The following GRM6 variants were observed in gnomAD, a reference collection of about 807,000 sequenced individuals.
GRM6 encodes metabotropic glutamate receptor 6.
In GRM6, 73 loss-of-function variants were observed where a neutral mutation model predicts 78.4. The observed-to-expected ratio is 0.93, with a 90% CI of 0.77 to 1.13. The LOEUF (loss-of-function observed/expected upper bound fraction) is 1.13. Ranked by LOEUF, GRM6 falls within the 50% of genes most tolerant of loss-of-function variation. The pLI, the probability that GRM6 is intolerant of heterozygous loss-of-function variation, is 0.00. For missense variants in GRM6, 1,251 were observed against 1,256.4 expected, an observed-to-expected ratio of 1.00 and a Z score of 0.07; for synonymous variants, 580 against 555.0, an observed-to-expected ratio of 1.05 and a Z score of -0.63.
rs183199638 is a variant in GRM6, at chr5:178,991,832, G to A, written c.721+35C>T. On this transcript the variant is annotated intron_variant, in intron 3 of 10. Transcript: ENST00000517717. The surrounding 1 kb of genome is among the most constrained non-coding windows in gnomAD (Gnocchi z 5.0). The stretch of plus-strand genomic sequence containing the variant: ...ACTGAGGGCCCCGGGCCCACACTAT[G>A]TAGACTCCTTGGTGCCTCGGAGCCC... 1.1e-5 allele frequency: 17 copies of A among 1,566,192 alleles called. No homozygotes were observed. Among genetic ancestry groups the A allele is most frequent in the African/African-American group, 1.4e-5 (1 of 74,024 alleles).
At position 178,986,578 on chromosome 5, in the gene GRM6, G is replaced by A; in HGVS notation, c.1676C>T (p.Pro559Leu). 1 of 1,607,268 alleles carries A rather than the reference G, an allele frequency of 6.2e-7. No individual in the cohort carries two copies. The highest frequency in any genetic ancestry group is 8.5e-7 in the Non-Finnish European group (1 of 1,179,858). The change falls in exon 9 of 11, where the codon CCT (proline) becomes CTT (leucine). Residue 559 changes from proline (P) to leucine (L), a missense_variant. Transcript: ENST00000517717. ...GTTGGGCGTGGGCCTCATGTCCCCA[G>A]GACAGGCCTCGCATGTGAACTCGTC... ...QVDEFTCEAC[P>L]GDMRPTPNHT...
At position 178,991,708 on chromosome 5, in the gene GRM6, A is replaced by C. The variant is rs776475258; in HGVS notation, c.722-149T>G. 3.7e-5 allele frequency: 44 copies of C among 1,177,524 alleles called. No homozygotes were observed. Among genetic ancestry groups the C allele is most frequent in the Non-Finnish European group, 4.8e-5 (38 of 795,806 alleles). 72.9% of individuals were successfully genotyped at this position (1,177,524 alleles called of 1,614,324 possible). ...CTCCGCCAAGCCTGAGGCAGGGCTG[A>C]GTCGTCCAAAACAAAGAGGTCCCGC... On this transcript the variant is annotated intron_variant, in intron 3 of 10. Transcript: ENST00000517717. The surrounding 1 kb of genome is among the most constrained non-coding windows in gnomAD (Gnocchi z 5.0).
chr5:178,989,211 A>ACCCCCCCC, intron 6 of GRM6, 54 bp downstream of exon 6: 2 of 121,720 alleles, frequency 1.6e-5, no homozygotes, highest in Non-Finnish European at 1.3e-5. Flanking sequence ...CCCCCTCCCC[A>ACCCCCCCC]CCCTCACCAC....
chr5:178,992,307 G>A lies in GRM6; in HGVS notation c.505-224C>T, dbSNP rs962287533. 4.8e-5 allele frequency: 32 copies of A among 662,304 alleles called. No homozygotes were observed. The highest frequency in any genetic ancestry group is 1.8e-4 in the East Asian group (6 of 34,168). 41.0% of individuals were successfully genotyped at this position (662,304 alleles called of 1,614,324 possible). A position where few individuals can be genotyped will look rare whatever the true frequency, so the allele number is the denominator to read the frequency against. ...TTTTGCGAGTGGGCCTGAGAATTCC[G>A]TGAATGCTGTGCAGGTGGGAGGTAT... On this transcript the variant is annotated intron_variant, in intron 2 of 10. Coordinates refer to ENST00000517717, the MANE Select transcript of GRM6 (RefSeq NM_000843.4). The surrounding 1 kb of genome is among the most constrained non-coding windows in gnomAD (Gnocchi z 4.9).
chr5:178,978,897 A>G lies in GRM6; in HGVS notation c.*2760T>C, dbSNP rs987001402. ...ATTGGACCTCAAAGAATTCAAACCC[A>G]TGCATGCAAAAAAACAGGAAAATCT... On this transcript the variant is annotated 3_prime_UTR_variant, in exon 11 of 11. Transcript: ENST00000517717. 1 of 152,138 alleles carries G rather than the reference A, an allele frequency of 6.6e-6. No homozygotes were observed. Among genetic ancestry groups the G allele is most frequent in the Non-Finnish European group, 1.5e-5 (1 of 68,016 alleles). 9.4% of individuals were successfully genotyped at this position (152,138 alleles called of 1,614,324 possible).
chr5:178,985,022 A>G (rs1760482515), intron 9 of GRM6, among the ~76,000 whole-genome samples: 1 of 152,168 alleles, frequency 6.6e-6, no homozygotes, highest in Admixed American at 6.5e-5. Flanking sequence ...TTACTGTCTT[A>G]GGAAAATCCC....
At chr5:178,984,888 C>A (rs1760479554) in intron 9 of GRM6, among the ~76,000 whole-genome samples, 1 of 152,106 alleles carries the variant, frequency 6.6e-6, no homozygotes, top group Admixed American at 6.5e-5. Flanking sequence ...CCCTGAGAAC[C>A]CAGCTGGCCC....
chr5:178,993,683 C>G (rs1420487474), intron 2 of GRM6, among the ~76,000 whole-genome samples: 1 of 152,178 alleles, frequency 6.6e-6, no homozygotes, highest in African/African-American at 2.4e-5. Context: ...CAGTGAATGA[C>G]CAAATCGAAA....
At chr5:178,995,205 C>G (rs1760753525) in intron 1 of GRM6, 71 bp downstream of exon 1, 1 of 174,672 alleles carries the variant, frequency 5.7e-6, no homozygotes, top group Non-Finnish European at 1.2e-5. Context: ...TGCCGCTTCC[C>G]GACAGCTTGG....
chr5:178,991,739 T>C lies in GRM6; in HGVS notation c.721+128A>G. On this transcript the variant is annotated intron_variant, in intron 3 of 10. Transcript: ENST00000517717. This position sits in a 1 kb window ranked among gnomAD's most constrained non-coding sequence, Gnocchi z 5.0. ...CCAAAACAAAGAGGTCCCGCCCACATGGAGCACCAGCCAGGCAACCTCGGC... is the reference window on the plus strand; with the variant it reads ...CCAAAACAAAGAGGTCCCGCCCACACGGAGCACCAGCCAGGCAACCTCGGC... 3 of 1,116,718 alleles carry C rather than the reference T, an allele frequency of 2.7e-6. 1 individual carries two copies. Among genetic ancestry groups the C allele is most frequent in the Middle Eastern group, 3.9e-4 (2 of 5,138 alleles). The allele number at this position is 1,116,718 out of a possible 1,614,324, so 69.2% of individuals were successfully genotyped here. A position where few individuals can be genotyped will look rare whatever the true frequency, so the allele number is the denominator to read the frequency against.
At chr5:178,990,103 C>T (rs1760644759) in intron 5 of GRM6, 1 of 213,418 alleles carries the variant, frequency 4.7e-6, no homozygotes. Flanking sequence ...ATAAAATAGC[C>T]CTGAAGGATG....
chr5:178,982,102 C>T (rs576201208), intron 10 of GRM6, among the ~76,000 whole-genome samples: 4 of 152,208 alleles, frequency 2.6e-5, no homozygotes, highest in South Asian at 4.2e-4. Flanking sequence ...CCTGGGGAAG[C>T]GGGAGCCGGG....
Position 178,981,592 on chromosome 5 carries a change from G to A in GRM6, c.*65C>T. ...TCACCGTGGACCCGGGCTCTATACAGCTTCCACCTCGAGGCAAGAGGAAGA... is the reference window on the plus strand; with the variant it reads ...TCACCGTGGACCCGGGCTCTATACAACTTCCACCTCGAGGCAAGAGGAAGA... On this transcript the variant is annotated 3_prime_UTR_variant, in exon 11 of 11. Coordinates refer to ENST00000517717, the MANE Select transcript of GRM6 (RefSeq NM_000843.4). This position sits in a 1 kb window ranked among gnomAD's most constrained non-coding sequence, Gnocchi z 5.1. 1 of 1,292,992 alleles carries A rather than the reference G, an allele frequency of 7.7e-7. No individual in the cohort carries two copies. 80.1% of individuals were successfully genotyped at this position (1,292,992 alleles called of 1,614,324 possible).
intron 9 of GRM6, chr5:178,985,228 A>G: frequency 4.4e-6 from 2 of 455,200 alleles, no homozygotes; most frequent in Non-Finnish European, 8.8e-6. Flanking sequence ...ATGTGAGCCA[A>G]ATTGTAGAAG....
chr5:178,986,540 G>T lies in GRM6; in HGVS notation c.1714C>A (p.Arg572Ser). 6.2e-7 allele frequency: 1 copy of T among 1,607,752 alleles called. No homozygotes were observed. The highest frequency in any genetic ancestry group is 8.5e-7 in the Non-Finnish European group (1 of 1,178,494). ...CTCAGGCGCACCACAGGTGTGGGGC[G>T]GCAGCCCGTGTGGTTGGGCGTGGGC... ...MRPTPNHTGC[R>S]PTPVVRLSWS... The change falls in exon 9 of 11, where the codon CGC (arginine) becomes AGC (serine). Residue 572 changes from arginine to serine, a missense_variant. Physicochemically the swap from Arg to Ser is moderately radical, Grantham distance 110. Coordinates refer to ENST00000517717, the MANE Select transcript of GRM6 (RefSeq NM_000843.4).
At chr5:178,982,520 T>C (rs1760414274) in intron 10 of GRM6, among the ~76,000 whole-genome samples, 1 of 125,864 alleles carries the variant, frequency 7.9e-6, no homozygotes, top group East Asian at 2.4e-4. Flanking sequence ...GAGCTTGCAG[T>C]GAGCCAAGAT....
At chr5:178,983,507 G>T (rs1468824031) in intron 9 of GRM6, 2 of 626,998 alleles carry the variant, frequency 3.2e-6, no homozygotes, top group African/African-American at 3.6e-5. Context: ...TGTGCATAAG[G>T]GGCAGCTTGG....
In GRM6 at chr5:178,991,594, C is replaced by A; in HGVS notation, c.722-35G>T. 1 of 1,608,102 alleles carries A rather than the reference C, an allele frequency of 6.2e-7. No individual in the cohort carries two copies. Among genetic ancestry groups the A allele is most frequent in the Non-Finnish European group, 8.5e-7 (1 of 1,175,434 alleles). ...GGGGGTGCCAGAGTCAGCTTCCGTC[C>A]CACCCACCCACACACCCACCTGGCC... On this transcript the variant is annotated intron_variant, in intron 3 of 10. Coordinates refer to ENST00000517717, the MANE Select transcript of GRM6 (RefSeq NM_000843.4). This position sits in a 1 kb window ranked among gnomAD's most constrained non-coding sequence, Gnocchi z 5.0.
At position 178,989,378 on chromosome 5, in the gene GRM6, G is replaced by A. The variant is rs747581082; in HGVS notation, c.1040C>T (p.Ser347Phe). The change falls in exon 6 of 11, where the codon TCC (serine) becomes TTC (phenylalanine). Residue 347 changes from serine to phenylalanine, a missense_variant. Coordinates refer to ENST00000517717, the MANE Select transcript of GRM6 (RefSeq NM_000843.4). ...DGFDQYFMTR[S>F]LENNRRNIWF... is the part of the protein sequence containing the mutation. The stretch of plus-strand genomic sequence containing the variant: ...GATGTTCCTGCGGTTGTTCTCCAGG[G>A]ATCGAGTCATGAAGTACTGGTCAAA... The A allele has an allele frequency of 1.9e-6, 3 of 1,613,976 alleles. No individual in the cohort carries two copies. The highest frequency in any genetic ancestry group is 2.5e-6 in the Non-Finnish European group (3 of 1,179,842).
Sources: gnomAD v4.1 joint callset for allele counts (sites outside exome capture counted in the v4.1 genomes callset) on GRCh38, gnomAD v4.1.1 for gene constraint, Gnocchi (gnomAD v3.1) non-coding constraint, MANE v1.5 for transcripts, NCBI Gene and HGNC (gene_info 2026-07-23, HGNC 2026-07-21) for gene names.